Variants in ELMO1 observed in about 807,000 individuals in gnomAD.
ELMO1 encodes engulfment and cell motility 1, also known as engulfment and cell motility protein 1.
A neutral mutation model predicts 98.9 loss-of-function variants in ELMO1; 26 were observed. The ratio of observed to expected loss-of-function variants is 0.26; its 90% confidence interval spans 0.19 to 0.36. The LOEUF is 0.36. Ranked by LOEUF, ELMO1 falls within the 10% of genes least tolerant of loss-of-function variation. ELMO1 has a pLI of 1.00. For missense variants in ELMO1, 627 were observed against 935.2 expected, an observed-to-expected ratio of 0.67 and a Z score of 4.30; for synonymous variants, 346 against 346.0, an observed-to-expected ratio of 1.00 and a Z score of 0.00.
intron 16 of ELMO1, among the ~76,000 whole-genome samples, chr7:36,968,760 C>T (rs1789662402): frequency 6.6e-6 from 1 of 151,710 alleles, no homozygotes; most frequent in African/African-American, 2.4e-5. Flanking sequence ...TAGTTTATTG[C>T]CTTGCATTAT....
intron 1 of ELMO1, among the ~76,000 whole-genome samples, chr7:37,398,670 C>G (rs368365850): frequency 0.012 from 1,793 of 150,008 alleles, 31 homozygotes; most frequent in African/African-American, 0.043. Context: ...ACGTGTACTG[C>G]TGCTATCGTC....
intron 1 of ELMO1, among the ~76,000 whole-genome samples, chr7:37,374,948 T>C (rs1468554211): frequency 6.6e-6 from 1 of 151,564 alleles, no homozygotes; most frequent in African/African-American, 2.4e-5. Context: ...TAATCCCAGC[T>C]ACTTGGGAGG....
chr7:37,120,396 C>A (rs1301416138), intron 14 of ELMO1, among the ~76,000 whole-genome samples: 1 of 152,228 alleles, frequency 6.6e-6, no homozygotes, highest in Non-Finnish European at 1.5e-5. Flanking sequence ...GGGTAACAAA[C>A]AGCACCTGGG....
At chr7:37,312,612 C>T (rs1032649192) in intron 4 of ELMO1, among the ~76,000 whole-genome samples, 12 of 152,270 alleles carry the variant, frequency 7.9e-5, no homozygotes, top group African/African-American at 2.9e-4. Context: ...TAAAGCCCTA[C>T]ATATTTTTTT....
At position 36,887,794 on chromosome 7, in the gene ELMO1, C is replaced by T. The variant is rs1043429540; in HGVS notation, c.1602-122G>A. On this transcript the variant is annotated intron_variant, in intron 17 of 21. Coordinates refer to ENST00000310758, the MANE Select transcript of ELMO1 (RefSeq NM_014800.11). ...ATCTTTTCATGAGCATCTAATACCT[C>T]CAACTTGGTGCTTTAGAGAAGTGTT... 3.9e-6 allele frequency: 3 copies of T among 769,322 alleles called. No individual in the cohort carries two copies. The African/African-American group carries it at 5.2e-5, about 13-fold the overall frequency. 47.7% of individuals were successfully genotyped at this position (769,322 alleles called of 1,614,324 possible).
intron 1 of ELMO1, among the ~76,000 whole-genome samples, chr7:37,433,349 A>T (rs1001843326): frequency 6.6e-6 from 1 of 152,206 alleles, no homozygotes; most frequent in Non-Finnish European, 1.5e-5. Flanking sequence ...CATGAAACAG[A>T]GTGTGAAAGC....
intron 17 of ELMO1, among the ~76,000 whole-genome samples, chr7:36,891,139 C>T (rs756647291): frequency 5.3e-5 from 8 of 152,250 alleles, no homozygotes; most frequent in Non-Finnish European, 8.8e-5. Flanking sequence ...TGTGTCTCCA[C>T]TGCATGTATC....
At chr7:37,026,517 G>GA (rs1363415900) in intron 15 of ELMO1, among the ~76,000 whole-genome samples, 2 of 152,048 alleles carry the variant, frequency 1.3e-5, no homozygotes, top group East Asian at 1.9e-4. Flanking sequence ...GTAGCTGTTA[G>GA]AAAAAAATGC....
chr7:36,962,471 C>G (rs1163625978), intron 16 of ELMO1, among the ~76,000 whole-genome samples: 1 of 152,024 alleles, frequency 6.6e-6, no homozygotes, highest in Admixed American at 6.5e-5. Context: ...CCTGTAGTGA[C>G]CCTGGGTCAC....
chr7:36,886,367 G>C (rs17391747), intron 18 of ELMO1, among the ~76,000 whole-genome samples: 28,544 of 152,166 alleles, frequency 0.19, 2,915 homozygotes, highest in South Asian at 0.28. Flanking sequence ...GGTGACATGA[G>C]AAATACTTCC....
intron 13 of ELMO1, among the ~76,000 whole-genome samples, chr7:37,156,721 C>T (rs1788792639): frequency 1.3e-5 from 2 of 152,138 alleles, no homozygotes; most frequent in African/African-American, 2.4e-5. Flanking sequence ...GATTTACAGC[C>T]GAATTCTACC....
chr7:36,984,924 C>T, intron 16 of ELMO1: 1 of 985,430 alleles, frequency 1.0e-6, no homozygotes, highest in Non-Finnish European at 1.2e-6. Context: ...CCTTTCCTCT[C>T]CCCGTTCAGA....
At chr7:37,366,827 C>A (rs1801920932) in intron 1 of ELMO1, among the ~76,000 whole-genome samples, 1 of 152,206 alleles carries the variant, frequency 6.6e-6, no homozygotes. Context: ...GAAGCTTCTT[C>A]CCATCAATCA....
At chr7:37,175,841 T>C (rs12540836) in intron 13 of ELMO1, among the ~76,000 whole-genome samples, 114,144 of 152,014 alleles carry the variant, frequency 0.75, 44,143 homozygotes, top group Non-Finnish European at 0.84. Context: ...AGTGAGATTC[T>C]GTCTCAAAGA....
intron 15 of ELMO1, among the ~76,000 whole-genome samples, chr7:37,050,724 G>A (rs1248485444): frequency 6.9e-6 from 1 of 144,968 alleles, no homozygotes; most frequent in African/African-American, 2.6e-5. Context: ...CTATGTATAT[G>A]TATTTCAAAA....
intron 15 of ELMO1, among the ~76,000 whole-genome samples, chr7:37,014,398 G>A (rs1313723074): frequency 1.3e-5 from 2 of 152,004 alleles, no homozygotes; most frequent in Non-Finnish European, 2.9e-5. Context: ...TACAGTGAAA[G>A]TCTTTCTATT....
chr7:36,996,739 T>C (rs760320553), intron 16 of ELMO1, among the ~76,000 whole-genome samples: 1 of 152,072 alleles, frequency 6.6e-6, no homozygotes, highest in Non-Finnish European at 1.5e-5. Context: ...GCAGGGCCCA[T>C]GAGTTGGGCC....
chr7:37,432,957 T>C (rs1289074779), intron 1 of ELMO1, among the ~76,000 whole-genome samples: 1 of 152,214 alleles, frequency 6.6e-6, no homozygotes, highest in Non-Finnish European at 1.5e-5. Flanking sequence ...AAAATGTTGG[T>C]TTCTTCTTCT....
intron 1 of ELMO1, among the ~76,000 whole-genome samples, chr7:37,383,165 T>C (rs1050461586): frequency 6.6e-6 from 1 of 152,242 alleles, no homozygotes; most frequent in African/African-American, 2.4e-5. Flanking sequence ...TGTCCTTTAT[T>C]ATAAAAGAAA....
Sources: gnomAD v4.1 joint callset for allele counts (sites outside exome capture counted in the v4.1 genomes callset) on GRCh38, gnomAD v4.1.1 for gene constraint, MANE v1.5 for transcripts, NCBI Gene and HGNC (gene_info 2026-07-23, HGNC 2026-07-21) for gene names.